RBFOX1: variants seen among roughly 807,000 people sequenced by gnomAD.
RBFOX1 encodes RNA binding fox-1 homolog 1.
Under a neutral mutation model 57.7 loss-of-function variants are expected in RBFOX1, and 8 were observed. The observed-to-expected ratio is 0.14, with a 90% CI of 0.08 to 0.25. The LOEUF (loss-of-function observed/expected upper bound fraction) is 0.25, where lower values mean the gene tolerates loss of function less well. RBFOX1 is among the 10% of genes least tolerant of loss of function. The pLI is 1.00. For synonymous variants in RBFOX1, 326 were observed against 222.4 expected (o/e 1.47, Z -4.15); for missense variants, 611 against 548.5 (o/e 1.11, Z -1.14).
chr16:6,456,391 T>C (rs571442835), intron 2 of RBFOX1, among the ~76,000 whole-genome samples: 68 of 152,242 alleles, frequency 4.5e-4, no homozygotes, highest in African/African-American at 1.5e-3. Flanking sequence ...TTACTGCTGT[T>C]CTGAAGTTCT....
chr16:7,345,027 T>C (rs2096968140), intron 4 of RBFOX1, among the ~76,000 whole-genome samples: 1 of 151,234 alleles, frequency 6.6e-6, no homozygotes, highest in Non-Finnish European at 1.5e-5. Flanking sequence ...CTGGAGGTTG[T>C]GTGGTGACAA....
intron 1 of RBFOX1, among the ~76,000 whole-genome samples, chr16:6,138,128 C>A (rs930215350): frequency 6.6e-6 from 1 of 152,176 alleles, no homozygotes; most frequent in Non-Finnish European, 1.5e-5. Flanking sequence ...CATTTGAATT[C>A]TAGTTCTATC....
At chr16:6,624,927 G>A (rs2098282012) in intron 2 of RBFOX1, among the ~76,000 whole-genome samples, 1 of 152,064 alleles carries the variant, frequency 6.6e-6, no homozygotes, top group Admixed American at 6.6e-5. Context: ...CTTTGGTCGA[G>A]GTCGAGGCAG....
At chr16:7,444,053 A>G (rs576929921) in intron 4 of RBFOX1, among the ~76,000 whole-genome samples, 38 of 152,352 alleles carry the variant, frequency 2.5e-4, no homozygotes, top group Admixed American at 5.2e-4. Flanking sequence ...TAGAGGTGCT[A>G]ATATACATGG....
intron 4 of RBFOX1, among the ~76,000 whole-genome samples, chr16:7,323,884 G>T (rs1042838510): frequency 6.6e-6 from 1 of 152,128 alleles, no homozygotes; most frequent in Non-Finnish European, 1.5e-5. Flanking sequence ...TAATCCAATA[G>T]ATAGCAAAAT....
At chr16:5,466,640 A>G (rs1029335061) in intron 1 of RBFOX1, among the ~76,000 whole-genome samples, 1 of 152,180 alleles carries the variant, frequency 6.6e-6, no homozygotes, top group Non-Finnish European at 1.5e-5. Flanking sequence ...TGAACTCTTT[A>G]TCTCAACCTG....
At chr16:6,353,893 C>T (rs1568000964) in intron 2 of RBFOX1, among the ~76,000 whole-genome samples, 1 of 152,110 alleles carries the variant, frequency 6.6e-6, no homozygotes, top group Non-Finnish European at 1.5e-5. Flanking sequence ...AGAACTTGTT[C>T]ATGTCTTCTT....
rs569279872 is a variant in RBFOX1 at position 6,893,524 on chromosome 16, C to G, written c.-15-158533C>G. Among the ~76,000 whole-genome samples the G allele has an allele frequency of 1.8e-4, 27 of 152,166 alleles. No homozygotes were observed. The East Asian group carries it at 5.2e-3, about 30-fold the overall frequency. On this transcript the variant is annotated intron_variant, in intron 3 of 15. Transcript: ENST00000550418. ...AACAGCTGGGGCTCTATGCTGAGCT[C>G]AGAAAGTGGAGTTCTGAATCAAACC...
At chr16:6,020,116 G>A (rs1297248221) in intron 1 of RBFOX1, 124 bp downstream of exon 1, 5 of 1,147,488 alleles carry the variant, frequency 4.4e-6, no homozygotes, top group Admixed American at 7.0e-5. Flanking sequence ...CAGTCTGGGC[G>A]CTCTGGACGG....
At chr16:7,157,701 A>G (rs2077439151) in intron 4 of RBFOX1, among the ~76,000 whole-genome samples, 1 of 152,156 alleles carries the variant, frequency 6.6e-6, no homozygotes. Flanking sequence ...ATGCAGTCCC[A>G]CGCATCACCT....
At chr16:7,266,521 T>C (rs369501708) in intron 4 of RBFOX1, among the ~76,000 whole-genome samples, 2 of 152,186 alleles carry the variant, frequency 1.3e-5, no homozygotes, top group African/African-American at 4.8e-5. Context: ...TTTACAGCAA[T>C]GCAAGAACAA....
At chr16:5,859,657 C>G (rs906341727) in intron 3 of RBFOX1, among the ~76,000 whole-genome samples, 2 of 152,144 alleles carry the variant, frequency 1.3e-5, no homozygotes, top group Non-Finnish European at 2.9e-5. Context: ...CTCTGCCTAC[C>G]ATTGGCCAGC....
intron 4 of RBFOX1, among the ~76,000 whole-genome samples, chr16:5,992,653 G>A (rs897992205): frequency 3.9e-5 from 6 of 152,170 alleles, no homozygotes; most frequent in Admixed American, 3.9e-4. Context: ...AAGATTTGTG[G>A]TCAGGCGTGG....
chr16:5,469,078 T>G (rs1039212168), intron 2 of RBFOX1, among the ~76,000 whole-genome samples: 2 of 152,214 alleles, frequency 1.3e-5, no homozygotes, highest in African/African-American at 4.8e-5. Flanking sequence ...AGAGGTTTTC[T>G]TGGGAGGTGG....
intron 3 of RBFOX1, among the ~76,000 whole-genome samples, chr16:6,658,929 T>TTTTTTTG (rs765367085): frequency 3.1e-5 from 4 of 131,122 alleles, no homozygotes; most frequent in Non-Finnish European, 6.7e-5. Context: ...TGTTTTTTGG[T>TTTTTTTG]TTTTTTGTTT....
intron 4 of RBFOX1, among the ~76,000 whole-genome samples, chr16:5,956,678 A>ATATATATTTT (rs368096576): frequency 1.8e-4 from 21 of 116,482 alleles, no homozygotes; most frequent in East Asian, 4.7e-4. Flanking sequence ...ATATATATAT[A>ATATATATTTT]TTTTTTTTGA....
chr16:6,588,861 T>C (rs940144497), intron 2 of RBFOX1, among the ~76,000 whole-genome samples: 2 of 152,064 alleles, frequency 1.3e-5, no homozygotes, highest in African/African-American at 4.8e-5. Context: ...TAGCTGGAGG[T>C]CCTTGATGTC....
chr16:7,480,305 C>G lies in RBFOX1; in HGVS notation c.28-37842C>G, dbSNP rs2063625999. On this transcript the variant is annotated intron_variant, in intron 4 of 15. Coordinates refer to ENST00000550418, the MANE Select transcript of RBFOX1 (RefSeq NM_018723.4). Reference sequence around the variant, plus strand: ...ACATCTAGTCCTTCTTCTGTGTTTTCTGTCAATCCCAGTTTCCCTCTCTTT... The same window carrying G: ...ACATCTAGTCCTTCTTCTGTGTTTTGTGTCAATCCCAGTTTCCCTCTCTTT... 2.6e-5 allele frequency among the ~76,000 whole-genome samples: 4 copies of G among 152,174 alleles called. No individual in the cohort carries two copies. In the South Asian group the frequency reaches 8.3e-4, roughly 32 times the overall value.
At chr16:6,498,845 G>C (rs17140357) in intron 2 of RBFOX1, among the ~76,000 whole-genome samples, 13,050 of 152,170 alleles carry the variant, frequency 0.086, 658 homozygotes, top group Middle Eastern at 0.12. Flanking sequence ...GATATGCATG[G>C]TAAAAGCCAT....
Sources: gnomAD v4.1 joint callset for allele counts (sites outside exome capture counted in the v4.1 genomes callset) on GRCh38, gnomAD v4.1.1 for gene constraint, MANE v1.5 for transcripts, NCBI Gene and HGNC (gene_info 2026-07-23, HGNC 2026-07-21) for gene names.